Variants in BLTP3A observed in about 807,000 individuals in gnomAD.
BLTP3A encodes ICBP90 binding protein 1.
chr6:34,815,753 A>C, the BLTP3A span, among the ~76,000 whole-genome samples: 1 of 150,444 alleles, frequency 6.6e-6, no homozygotes, highest in East Asian at 2.0e-4. Context: ...AGCGATTCTC[A>C]TGCCTCAGCC....
chr6:34,871,389 G>A, the BLTP3A span, among the ~76,000 whole-genome samples: 1 of 152,316 alleles, frequency 6.6e-6, no homozygotes, highest in East Asian at 1.9e-4. Flanking sequence ...GCATTACCAT[G>A]TGCAAGCCAT....
At chr6:34,866,360 G>T in the BLTP3A span, among the ~76,000 whole-genome samples, 1 of 151,166 alleles carries the variant, frequency 6.6e-6, no homozygotes, top group African/African-American at 2.4e-5. Flanking sequence ...CCGAGATCAC[G>T]CCATTGCACT....
chr6:34,827,153 T>C, the BLTP3A span, among the ~76,000 whole-genome samples: 1 of 151,602 alleles, frequency 6.6e-6, no homozygotes, highest in Non-Finnish European at 1.5e-5. Flanking sequence ...TCTACTAAAA[T>C]ACAAAAAATT....
the BLTP3A span, among the ~76,000 whole-genome samples, chr6:34,797,469 GC>G: frequency 6.6e-6 from 1 of 152,148 alleles, no homozygotes; most frequent in Non-Finnish European, 1.5e-5. Flanking sequence ...GATCATCGGG[GC>G]CAGCCTCCAG....
At chr6:34,828,277 C>T in the BLTP3A span, among the ~76,000 whole-genome samples, 1 of 151,636 alleles carries the variant, frequency 6.6e-6, no homozygotes, top group Non-Finnish European at 1.5e-5. Flanking sequence ...ATGGTGAAAC[C>T]CCGTCTCTAC....
the BLTP3A span, chr6:34,855,823 G>T: frequency 6.5e-7 from 1 of 1,526,884 alleles, no homozygotes; most frequent in South Asian, 1.3e-5. Flanking sequence ...CATGCTCAGA[G>T]GGGTGCTGGA....
At chr6:34,862,639 G>A in the BLTP3A span, among the ~76,000 whole-genome samples, 5 of 151,696 alleles carry the variant, frequency 3.3e-5, no homozygotes, top group African/African-American at 1.2e-4. Flanking sequence ...TGGAGACCAT[G>A]CTGGCTAACA....
the BLTP3A span, chr6:34,836,047 A>G: frequency 3.7e-6 from 5 of 1,369,690 alleles, no homozygotes; most frequent in South Asian, 1.4e-5. Context: ...GAGGGAAGGA[A>G]CATCTTGCTA....
chr6:34,873,234 C>G, the BLTP3A span: 1 of 152,126 alleles, frequency 6.6e-6, no homozygotes. Context: ...GCATGATATG[C>G]CAGGGGTCAG....
the BLTP3A span, among the ~76,000 whole-genome samples, chr6:34,818,581 T>C: frequency 6.6e-6 from 1 of 152,206 alleles, no homozygotes; most frequent in Non-Finnish European, 1.5e-5. Flanking sequence ...AAATATTTGC[T>C]GTACAAAAGG....
At chr6:34,833,920 CA>C in the BLTP3A span, among the ~76,000 whole-genome samples, 9,847 of 44,732 alleles carry the variant, frequency 0.22, 161 homozygotes, top group East Asian at 0.42. Flanking sequence ...GACTCCGTCT[CA>C]AAAAAAAAAA....
the BLTP3A span, chr6:34,823,385 A>C: frequency 3.2e-4 from 491 of 1,543,340 alleles, no homozygotes; most frequent in Non-Finnish European, 3.9e-4. Context: ...CCAACATATT[A>C]ATTGCTCCAG....
chr6:34,818,094 G>A, the BLTP3A span, among the ~76,000 whole-genome samples: 1 of 152,096 alleles, frequency 6.6e-6, no homozygotes, highest in African/African-American at 2.4e-5. Context: ...TCCTGACCTC[G>A]TGATCCGCCC....
chr6:34,866,828 A>G, the BLTP3A span, among the ~76,000 whole-genome samples: 1 of 152,220 alleles, frequency 6.6e-6, no homozygotes, highest in Non-Finnish European at 1.5e-5. Flanking sequence ...AAGTGGAATC[A>G]TGCAGTATTT....
the BLTP3A span, chr6:34,871,550 G>C: frequency 1.3e-6 from 2 of 1,596,718 alleles, no homozygotes; most frequent in East Asian, 2.2e-5. Flanking sequence ...CTGAGCTGGT[G>C]GGGGGCATCA....
At chr6:34,830,991 C>G in the BLTP3A span, among the ~76,000 whole-genome samples, 5 of 152,074 alleles carry the variant, frequency 3.3e-5, no homozygotes, top group Admixed American at 6.6e-5. Flanking sequence ...GTGTTTTGCT[C>G]ATTTATCTTT....
the BLTP3A span, chr6:34,792,370 C>T: frequency 2.2e-6 from 3 of 1,383,816 alleles, no homozygotes; most frequent in Non-Finnish European, 2.9e-6. Context: ...TGACGCCGCG[C>T]TCCGGGCCCA....
the BLTP3A span, chr6:34,859,037 A>G: frequency 6.2e-7 from 1 of 1,613,948 alleles, no homozygotes; most frequent in East Asian, 2.2e-5. Context: ...GTCGATGCTG[A>G]CTCTGCAGGC....
chr6:34,869,745 G>A, the BLTP3A span, among the ~76,000 whole-genome samples: 5 of 141,202 alleles, frequency 3.5e-5, no homozygotes, highest in Admixed American at 2.3e-4. Flanking sequence ...TCCGCCTCCC[G>A]GGTTCAAGTG....
Sources: allele counts gnomAD v4.1 joint callset (sites outside exome capture counted in the v4.1 genomes callset), GRCh38; gene constraint gnomAD v4.1.1; transcripts MANE v1.5; gene names NCBI Gene and HGNC (gene_info 2026-07-23, HGNC 2026-07-21).